Variants in WWTR1 observed in about 807,000 individuals in gnomAD.
WWTR1 encodes the protein WW domain-containing transcription regulator protein 1.
In WWTR1, 13 loss-of-function variants were observed where a neutral mutation model predicts 40.1. That is an observed-to-expected ratio of 0.32 (90% CI 0.21 to 0.52). The LOEUF is 0.52. Ranked by LOEUF, WWTR1 falls within the 20% of genes least tolerant of loss-of-function variation. The pLI is 0.97. For missense variants in WWTR1, 436 were observed against 523.1 expected, an observed-to-expected ratio of 0.83 and a Z score of 1.63; for synonymous variants, 230 against 210.1, an observed-to-expected ratio of 1.09 and a Z score of -0.82.
intron 1 of WWTR1, among the ~76,000 whole-genome samples, chr3:149,692,367 T>A (rs766699398): frequency 6.6e-6 from 1 of 152,218 alleles, no homozygotes; most frequent in Non-Finnish European, 1.5e-5. Flanking sequence ...TCAAAGAATG[T>A]GATACATCAT....
At chr3:149,688,739 T>A (rs923019029) in intron 1 of WWTR1, among the ~76,000 whole-genome samples, 4 of 152,096 alleles carry the variant, frequency 2.6e-5, no homozygotes, top group Admixed American at 6.5e-5. Context: ...CAGACATTGA[T>A]GAATATTCAC....
At position 149,603,774 on chromosome 3, in the gene WWTR1, T is replaced by C. The variant is rs115374831; in HGVS notation, c.432-30774A>G. ...TAGTAACGCAGAAAATCAACTGACA[T>C]TTTCTCCTAATAATGAGGGGAATAT... On this transcript the variant is annotated intron_variant, in intron 2 of 6. Transcript: ENST00000360632. Among the ~76,000 whole-genome samples, 782 of 151,626 alleles carry C rather than the reference T, an allele frequency of 5.2e-3. 4 individuals carry two copies. Among genetic ancestry groups the C allele is most frequent in the South Asian group, 0.019 (89 of 4,796 alleles).
At chr3:149,597,828 T>C (rs1044347827) in intron 2 of WWTR1, among the ~76,000 whole-genome samples, 3 of 152,176 alleles carry the variant, frequency 2.0e-5, no homozygotes, top group African/African-American at 7.2e-5. Flanking sequence ...GGCCGAATCC[T>C]TTTTTTGTTT....
At chr3:149,688,710 T>C (rs1265105592) in intron 1 of WWTR1, among the ~76,000 whole-genome samples, 1 of 152,074 alleles carries the variant, frequency 6.6e-6, no homozygotes, top group African/African-American at 2.4e-5. Context: ...TTAGAATAAA[T>C]ACCTAACTCC....
chr3:149,641,096 G>A (rs181416880), intron 2 of WWTR1, among the ~76,000 whole-genome samples: 2 of 152,182 alleles, frequency 1.3e-5, no homozygotes, highest in African/African-American at 4.8e-5. Flanking sequence ...CTTTTATCTT[G>A]TTCCACAATA....
At chr3:149,563,495 G>A (rs1301697304) in intron 3 of WWTR1, among the ~76,000 whole-genome samples, 1 of 152,180 alleles carries the variant, frequency 6.6e-6, no homozygotes, top group African/African-American at 2.4e-5. Flanking sequence ...TTGGGGTCAA[G>A]ATGCTCTGGG....
chr3:149,564,956 G>A (rs1267675811), intron 3 of WWTR1, among the ~76,000 whole-genome samples: 1 of 152,222 alleles, frequency 6.6e-6, no homozygotes, highest in African/African-American at 2.4e-5. Context: ...GGAAGCTGAG[G>A]CAGGTGGGTC....
chr3:149,692,981 G>A (rs1471324393), intron 1 of WWTR1, among the ~76,000 whole-genome samples: 1 of 152,068 alleles, frequency 6.6e-6, no homozygotes. Context: ...GTTCTAGCTA[G>A]AGCAATCATA....
At chr3:149,581,606 T>C (rs1433498946) in intron 2 of WWTR1, among the ~76,000 whole-genome samples, 1 of 152,226 alleles carries the variant, frequency 6.6e-6, no homozygotes, top group Admixed American at 6.5e-5. Context: ...TTTCAGTGTA[T>C]GGTTCCGGTC....
chr3:149,677,614 G>A (rs1169206750), intron 1 of WWTR1, among the ~76,000 whole-genome samples: 3 of 152,172 alleles, frequency 2.0e-5, no homozygotes, highest in Non-Finnish European at 4.4e-5. Context: ...GCCGAGACGG[G>A]TGGATCAACT....
chr3:149,521,540 G>T lies in WWTR1; in HGVS notation c.1019-551C>A, dbSNP rs193134143. ...ATCTGCCTTTCTCACAAGCATATGA[G>T]CACAGTGCATATGAGCATGTTAAGG... On this transcript the variant is annotated intron_variant, in intron 6 of 6. Transcript: ENST00000360632. 3.4e-3 allele frequency among the ~76,000 whole-genome samples: 519 copies of T among 152,280 alleles called. 3 individuals carry two copies. The highest frequency in any genetic ancestry group is 5.7e-3 in the Non-Finnish European group (389 of 68,014).
At chr3:149,702,658 C>T (rs1437638699) in intron 1 of WWTR1, 3 of 150,148 alleles carry the variant, frequency 2.0e-5, no homozygotes, top group Admixed American at 6.6e-5. Context: ...ACTCTTGAAA[C>T]CAAAAAAAAA....
At chr3:149,600,932 G>T (rs1310445726) in intron 2 of WWTR1, among the ~76,000 whole-genome samples, 1 of 152,024 alleles carries the variant, frequency 6.6e-6, no homozygotes, top group Non-Finnish European at 1.5e-5. Context: ...TAGTCATGTG[G>T]GTGAGCCCCC....
In WWTR1 at chr3:149,594,860, T is replaced by G. The variant is rs200167176; in HGVS notation, c.432-21860A>C. Among the ~76,000 whole-genome samples, 11 of 152,126 alleles carry G rather than the reference T, an allele frequency of 7.2e-5. No homozygotes were observed. In the East Asian group the frequency reaches 1.9e-3, roughly 27 times the overall value. On this transcript the variant is annotated intron_variant, in intron 2 of 6. Transcript: ENST00000360632. ...ATTTTCTTGGGTATAATAATAGAAT[T>G]TGTTATGGTATAAAAGAATGTCTTA...
At chr3:149,713,419 T>C (rs1715524088) in intron 5 of WWTR1, among the ~76,000 whole-genome samples, 1 of 152,094 alleles carries the variant, frequency 6.6e-6, no homozygotes. Context: ...CTCGCTCTGT[T>C]GCCCAGGCTG....
At chr3:149,662,703 A>G (rs1713637557), upstream of WWTR1, among the ~76,000 whole-genome samples, 1 of 152,106 alleles carries the variant, frequency 6.6e-6, no homozygotes, top group African/African-American at 2.4e-5. Context: ...GTTTTTTTTA[A>G]CAACTGTTCA....
At chr3:149,593,691 CTT>C (rs1378348166) in intron 2 of WWTR1, among the ~76,000 whole-genome samples, 5 of 152,188 alleles carry the variant, frequency 3.3e-5, no homozygotes, top group Non-Finnish European at 5.9e-5. Flanking sequence ...CTATTGATAA[CTT>C]AACCTTTAGT....
chr3:149,540,888 TA>T (rs1426958778), intron 4 of WWTR1: 1 of 344,192 alleles, frequency 2.9e-6, no homozygotes, highest in Non-Finnish European at 5.7e-6. Context: ...CCATGCATTT[TA>T]AACCTCACAC....
At chr3:149,668,764 T>C (rs1280502815) in intron 2 of WWTR1, among the ~76,000 whole-genome samples, 2 of 152,136 alleles carry the variant, frequency 1.3e-5, no homozygotes, top group African/African-American at 2.4e-5. Context: ...ACTGAGGCAA[T>C]AGTTACATTG....
Sources: allele counts gnomAD v4.1 joint callset (sites outside exome capture counted in the v4.1 genomes callset), GRCh38; gene constraint gnomAD v4.1.1; transcripts MANE v1.5; gene names NCBI Gene and HGNC (gene_info 2026-07-23, HGNC 2026-07-21).